TAFA2: variants seen among roughly 807,000 people sequenced by gnomAD.
TAFA2 encodes TAFA chemokine like family member 2, also known as chemokine-like protein TAFA-2.
In TAFA2, 7 loss-of-function variants were observed where a neutral mutation model predicts 18.8. That is an observed-to-expected ratio of 0.37 (90% CI 0.21 to 0.70). The LOEUF (loss-of-function observed/expected upper bound fraction) is 0.70. Among genes scored for constraint, TAFA2 ranks in the 30% least tolerant of loss-of-function variants. TAFA2 has a pLI of 0.53. For missense variants in TAFA2, 122 were observed against 158.1 expected, an observed-to-expected ratio of 0.77 and a Z score of 1.23; for synonymous variants, 60 against 54.2, an observed-to-expected ratio of 1.11 and a Z score of -0.47.
chr12:61,872,737 C>T (rs1371900934), intron 1 of TAFA2, among the ~76,000 whole-genome samples: 1 of 152,050 alleles, frequency 6.6e-6, no homozygotes, highest in Non-Finnish European at 1.5e-5. Context: ...TTACCCTAAA[C>T]GTTAATTCTG....
At chr12:61,723,711 C>T (rs956191972) in intron 4 of TAFA2, among the ~76,000 whole-genome samples, 1 of 152,040 alleles carries the variant, frequency 6.6e-6, no homozygotes, top group Non-Finnish European at 1.5e-5. Flanking sequence ...TAGATAATAG[C>T]AATCTGTGAT....
chr12:62,097,472 A>T (rs1869001289), intron 1 of TAFA2, among the ~76,000 whole-genome samples: 2 of 152,202 alleles, frequency 1.3e-5, no homozygotes, highest in South Asian at 4.1e-4. Context: ...AAACGGGAAG[A>T]GTGAAACTGG....
rs561440767 is a variant in TAFA2 at position 61,763,203 on chromosome 12, C to T, written c.107-8179G>A. On this transcript the variant is annotated intron_variant, in intron 2 of 4. Coordinates refer to ENST00000416284, the MANE Select transcript of TAFA2 (RefSeq NM_178539.5). ...TGATCAGGAGGAAACAACCAAGTGC[C>T]GATGACATGTTTACAAATTCTGTTT... Among the ~76,000 whole-genome samples the T allele has an allele frequency of 1.6e-4, 24 of 151,986 alleles. 1 individual carries two copies. In the South Asian group the frequency reaches 4.6e-3, roughly 29 times the overall value.
intron 1 of TAFA2, among the ~76,000 whole-genome samples, chr12:62,019,839 G>GAAAAA (rs1881069451): frequency 6.6e-6 from 1 of 151,892 alleles, no homozygotes; most frequent in Non-Finnish European, 1.5e-5. Context: ...TAAAAAAATA[G>GAAAAA]AATAAAATAA....
chr12:62,206,082 A>C (rs1185374393), intron 1 of TAFA2, among the ~76,000 whole-genome samples: 1 of 151,750 alleles, frequency 6.6e-6, no homozygotes, highest in African/African-American at 2.4e-5. Context: ...GAACCTGGAT[A>C]CCTCATTTGC....
At chr12:62,074,771 G>A (rs1051787002) in intron 1 of TAFA2, among the ~76,000 whole-genome samples, 2 of 148,512 alleles carry the variant, frequency 1.3e-5, no homozygotes, top group African/African-American at 5.0e-5. Context: ...GTGTGATCTC[G>A]GGACACTGCA....
At chr12:62,102,608 A>G (rs758420480) in intron 1 of TAFA2, among the ~76,000 whole-genome samples, 16 of 152,144 alleles carry the variant, frequency 1.1e-4, no homozygotes, top group Non-Finnish European at 1.8e-4. Flanking sequence ...GAGCTGAACT[A>G]CTTCCTAAAC....
At chr12:61,850,249 C>T (rs1414585646) in intron 2 of TAFA2, among the ~76,000 whole-genome samples, 2 of 151,938 alleles carry the variant, frequency 1.3e-5, no homozygotes, top group Non-Finnish European at 2.9e-5. Flanking sequence ...GATTGACAAG[C>T]ACTTCTCTAA....
At chr12:62,071,497 T>G (rs1455595505) in intron 1 of TAFA2, among the ~76,000 whole-genome samples, 1 of 152,072 alleles carries the variant, frequency 6.6e-6, no homozygotes, top group African/African-American at 2.4e-5. Context: ...CTCCAAGCAC[T>G]TTGGGAGGCC....
At chr12:61,877,764 C>A (rs372617170) in intron 1 of TAFA2, among the ~76,000 whole-genome samples, 8 of 152,052 alleles carry the variant, frequency 5.3e-5, no homozygotes, top group African/African-American at 1.7e-4. Context: ...AACCAGTAAT[C>A]CCTGAGTTAA....
intron 2 of TAFA2, among the ~76,000 whole-genome samples, chr12:61,851,271 T>C (rs926413491): frequency 1.3e-5 from 2 of 152,114 alleles, no homozygotes; most frequent in Non-Finnish European, 2.9e-5. Context: ...GGGGAGATAA[T>C]AGTCATGAAT....
intron 1 of TAFA2, among the ~76,000 whole-genome samples, chr12:61,886,876 G>C (rs973988580): frequency 6.6e-6 from 1 of 152,160 alleles, no homozygotes; most frequent in African/African-American, 2.4e-5. Context: ...GGAAACTTGG[G>C]AACCAGACTT....
chr12:62,005,615 G>T (rs1880520423), intron 1 of TAFA2, among the ~76,000 whole-genome samples: 1 of 152,076 alleles, frequency 6.6e-6, no homozygotes, highest in African/African-American at 2.4e-5. Flanking sequence ...AGATAATCTA[G>T]TTCAAACTAT....
intron 1 of TAFA2, among the ~76,000 whole-genome samples, chr12:61,958,708 A>G (rs1396853982): frequency 6.6e-6 from 1 of 151,880 alleles, no homozygotes; most frequent in Non-Finnish European, 1.5e-5. Flanking sequence ...AACCATCACT[A>G]TTACATGTGT....
intron 1 of TAFA2, among the ~76,000 whole-genome samples, chr12:62,170,807 G>A (rs1173723192): frequency 6.6e-6 from 1 of 151,952 alleles, no homozygotes; most frequent in Non-Finnish European, 1.5e-5. Flanking sequence ...AGCCTCCAAT[G>A]TCTATTATTC....
intron 1 of TAFA2, among the ~76,000 whole-genome samples, chr12:62,032,361 C>T (rs1220077029): frequency 6.6e-6 from 1 of 152,138 alleles, no homozygotes; most frequent in African/African-American, 2.4e-5. Flanking sequence ...AATTGATTGG[C>T]ATGCACATTA....
intron 1 of TAFA2, among the ~76,000 whole-genome samples, chr12:62,144,459 C>CA (rs112940019): frequency 0.031 from 4,521 of 144,838 alleles, 221 homozygotes; most frequent in African/African-American, 0.11. Context: ...CTCCCTCCAC[C>CA]AAAAAAAAAA....
At chr12:61,795,790 G>T (rs769610788) in intron 2 of TAFA2, among the ~76,000 whole-genome samples, 23 of 150,212 alleles carry the variant, frequency 1.5e-4, no homozygotes, top group East Asian at 5.9e-4. Context: ...AAAAGAAAAA[G>T]AAAAATAAAA....
intron 1 of TAFA2, among the ~76,000 whole-genome samples, chr12:61,993,070 C>T (rs548736373): frequency 5.9e-5 from 9 of 152,282 alleles, no homozygotes; most frequent in East Asian, 1.9e-4. Context: ...AAACTGGCCA[C>T]GCTGAAGTTT....
Sources: gnomAD v4.1 joint callset for allele counts (sites outside exome capture counted in the v4.1 genomes callset) on GRCh38, gnomAD v4.1.1 for gene constraint, MANE v1.5 for transcripts, NCBI Gene and HGNC (gene_info 2026-07-23, HGNC 2026-07-21) for gene names.